RBFOX1: variants seen among roughly 807,000 people sequenced by gnomAD.
RBFOX1 encodes RNA binding protein fox-1 homolog 1.
In RBFOX1, 8 loss-of-function variants were observed where a neutral mutation model predicts 57.7. That is an observed-to-expected ratio of 0.14 (90% CI 0.08 to 0.25). The LOEUF is 0.25. RBFOX1 is among the 10% of genes least tolerant of loss of function. The pLI is 1.00. For synonymous variants in RBFOX1, 326 were observed against 222.4 expected (o/e 1.47, Z -4.15); for missense variants, 611 against 548.5 (o/e 1.11, Z -1.14).
At chr16:5,655,245 G>C (rs189367385) in intron 3 of RBFOX1, among the ~76,000 whole-genome samples, 1 of 152,360 alleles carries the variant, frequency 6.6e-6, no homozygotes, top group Admixed American at 6.5e-5. Flanking sequence ...TATGTGAGGA[G>C]AAGGACTGTG....
At chr16:5,791,693 T>G (rs904619033) in intron 3 of RBFOX1, among the ~76,000 whole-genome samples, 1 of 152,160 alleles carries the variant, frequency 6.6e-6, no homozygotes, top group African/African-American at 2.4e-5. Context: ...GACTGCATTC[T>G]AGAGAGTAGA....
chr16:5,801,129 C>T (rs1430330315), intron 3 of RBFOX1, among the ~76,000 whole-genome samples: 2 of 152,170 alleles, frequency 1.3e-5, no homozygotes, highest in African/African-American at 2.4e-5. Flanking sequence ...TTCCTGGGCG[C>T]ATGTGTGACA....
chr16:5,782,212 G>A (rs1490026283), intron 3 of RBFOX1, among the ~76,000 whole-genome samples: 1 of 152,218 alleles, frequency 6.6e-6, no homozygotes, highest in Non-Finnish European at 1.5e-5. Context: ...CTCAAGCACA[G>A]AAACACATTT....
intron 3 of RBFOX1, among the ~76,000 whole-genome samples, chr16:5,854,859 C>A (rs776837861): frequency 7.9e-5 from 12 of 152,070 alleles, no homozygotes; most frequent in Non-Finnish European, 2.9e-5. Context: ...TAGAAAGGTA[C>A]CCTTTTCTCC....
chr16:7,533,767 G>A lies in RBFOX1; in HGVS notation c.270+15378G>A, dbSNP rs545216734. 2.9e-4 allele frequency among the ~76,000 whole-genome samples: 44 copies of A among 152,264 alleles called. No individual in the cohort carries two copies. In the Middle Eastern group the frequency reaches 0.01, roughly 35 times the overall value. On this transcript the variant is annotated intron_variant, in intron 5 of 15. Transcript: ENST00000550418. Reference sequence around the variant, plus strand: ...TTCCACATCATTAAGTTGAAATATCGTAAGTTAGGAATCATCTGTACTGAC... The same window carrying A: ...TTCCACATCATTAAGTTGAAATATCATAAGTTAGGAATCATCTGTACTGAC...
At chr16:5,796,527 G>C (rs1201366014) in intron 3 of RBFOX1, among the ~76,000 whole-genome samples, 1 of 151,690 alleles carries the variant, frequency 6.6e-6, no homozygotes, top group East Asian at 1.9e-4. Context: ...CTGGATCCCA[G>C]GGATGAAGCA....
At chr16:5,978,699 G>T (rs2343345) in intron 4 of RBFOX1, among the ~76,000 whole-genome samples, 52,429 of 147,014 alleles carry the variant, frequency 0.36, 9,476 homozygotes, top group East Asian at 0.46. Context: ...TGTTGTTGTT[G>T]TTTTTTTAAA....
intron 3 of RBFOX1, chr16:6,773,858 T>C (rs1377950673): frequency 3.2e-6 from 2 of 633,622 alleles, no homozygotes; most frequent in Admixed American, 6.4e-5. Context: ...TATATATGTG[T>C]GGATGTAGGG....
intron 4 of RBFOX1, among the ~76,000 whole-genome samples, chr16:7,132,618 C>CA (rs1402130701): frequency 6.7e-6 from 1 of 148,286 alleles, no homozygotes; most frequent in African/African-American, 2.5e-5. Flanking sequence ...AAAAAAAAAA[C>CA]CACACACACA....
intron 5 of RBFOX1, among the ~76,000 whole-genome samples, chr16:7,524,245 C>T (rs1406121754): frequency 1.3e-5 from 2 of 152,156 alleles, no homozygotes; most frequent in African/African-American, 4.8e-5. Context: ...ACACAAAGTG[C>T]AGAATCTGTA....
intron 1 of RBFOX1, among the ~76,000 whole-genome samples, chr16:6,110,111 C>G (rs1310365257): frequency 1.3e-5 from 2 of 151,830 alleles, no homozygotes; most frequent in African/African-American, 2.4e-5. Flanking sequence ...AGCACATCTA[C>G]TGTCTATGGA....
chr16:6,201,201 C>G (rs977028309), intron 1 of RBFOX1, among the ~76,000 whole-genome samples: 1 of 152,046 alleles, frequency 6.6e-6, no homozygotes, highest in Non-Finnish European at 1.5e-5. Flanking sequence ...TTTCTTCATT[C>G]CTCCGTTAGT....
chr16:7,311,480 T>TTC (rs1199198524), intron 4 of RBFOX1, among the ~76,000 whole-genome samples: 8 of 148,080 alleles, frequency 5.4e-5, no homozygotes, highest in Non-Finnish European at 1.0e-4. Flanking sequence ...AGCCTTTTCT[T>TTC]TTTTTTTTTT....
chr16:5,585,219 A>C (rs2046793051), intron 2 of RBFOX1, among the ~76,000 whole-genome samples: 1 of 151,968 alleles, frequency 6.6e-6, no homozygotes, highest in Non-Finnish European at 1.5e-5. Context: ...CTGTCTCTAC[A>C]GGATTGCGTT....
chr16:5,567,201 C>A (rs1323063840), intron 2 of RBFOX1, among the ~76,000 whole-genome samples: 2 of 152,084 alleles, frequency 1.3e-5, no homozygotes, highest in African/African-American at 4.8e-5. Flanking sequence ...TAGCTGTATC[C>A]CACAGCCCAT....
At chr16:6,344,530 T>C (rs577294263) in intron 2 of RBFOX1, among the ~76,000 whole-genome samples, 14 of 150,544 alleles carry the variant, frequency 9.3e-5, no homozygotes, top group Admixed American at 2.7e-4. Flanking sequence ...CCTGAGTAGC[T>C]GGGACTATAG....
chr16:7,163,622 T>C (rs2078848582), intron 4 of RBFOX1, among the ~76,000 whole-genome samples: 1 of 152,122 alleles, frequency 6.6e-6, no homozygotes, highest in East Asian at 1.9e-4. Flanking sequence ...GGACTTTTTT[T>C]TCAAGTTTTA....
At chr16:6,666,432 C>T (rs1025878020) in intron 3 of RBFOX1, among the ~76,000 whole-genome samples, 2 of 150,374 alleles carry the variant, frequency 1.3e-5, no homozygotes, top group African/African-American at 2.5e-5. Context: ...CCATGCTATT[C>T]GGGAAGCTGA....
At chr16:7,132,301 C>T (rs1038697620) in intron 4 of RBFOX1, among the ~76,000 whole-genome samples, 11 of 152,082 alleles carry the variant, frequency 7.2e-5, no homozygotes, top group South Asian at 2.1e-4. Context: ...TTCATCATTG[C>T]AATGTTCTTT....
Sources: gnomAD v4.1 joint callset for allele counts (sites outside exome capture counted in the v4.1 genomes callset) on GRCh38, gnomAD v4.1.1 for gene constraint, MANE v1.5 for transcripts, NCBI Gene and HGNC (gene_info 2026-07-23, HGNC 2026-07-21) for gene names.